Variants in ERC1 observed in about 807,000 individuals in gnomAD.
The protein encoded by ERC1 is RAB6 interacting protein 2.
In ERC1, 56 loss-of-function variants were observed where a neutral mutation model predicts 132.0. The ratio of observed to expected loss-of-function variants is 0.42; its 90% CI spans 0.34 to 0.53. The LOEUF (loss-of-function observed/expected upper bound fraction) is 0.53. Among genes scored for constraint, ERC1 ranks in the 20% least tolerant of loss-of-function variants. The probability of loss-of-function intolerance (pLI) is 0.03; values close to 1 mark genes in which losing one functional copy is unlikely to be tolerated. For synonymous variants in ERC1, 478 were observed against 476.1 expected, an observed-to-expected ratio of 1.00 and a Z score of -0.05; for missense variants, 1,202 against 1,349.9, an observed-to-expected ratio of 0.89 and a Z score of 1.72.
intron 12 of ERC1, among the ~76,000 whole-genome samples, chr12:1,233,489 AAAAAG>A (rs1291659494): frequency 2.6e-5 from 4 of 151,322 alleles, no homozygotes; most frequent in Non-Finnish European, 4.4e-5. Context: ...AAAAAAAAAA[AAAAAG>A]AGTAAGAAAA....
intron 2 of ERC1, among the ~76,000 whole-genome samples, chr12:1,073,944 G>A (rs1292575576): frequency 8.2e-6 from 1 of 121,644 alleles, no homozygotes; most frequent in Non-Finnish European, 1.6e-5. Flanking sequence ...TCCACTCACT[G>A]CAACCTCCGC....
At chr12:1,188,475 AT>A (rs113337316) in intron 11 of ERC1, among the ~76,000 whole-genome samples, 122 of 152,322 alleles carry the variant, frequency 8.0e-4, no homozygotes, top group Middle Eastern at 3.4e-3. Context: ...GAAACAACTG[AT>A]TTTAGACATT....
Position 1,117,835 on chromosome 12 carries a change from T to C in ERC1, c.1569+1802T>C, listed in dbSNP as rs912236201. ...TAGATGATCTGCATTTTCTTACTTT[T>C]ATTAAGCTAAACTTAGGTTTATTCA... On this transcript the variant is annotated intron_variant, in intron 7 of 18. Transcript: ENST00000360905. Among the ~76,000 whole-genome samples, 14 of 152,364 alleles carry C rather than the reference T, an allele frequency of 9.2e-5. No homozygotes were observed. In the East Asian group the frequency reaches 2.5e-3, roughly 27 times the overall value.
rs1354634698 is a variant in ERC1, at chr12:1,065,608, C to T, written c.670-17556C>T. On this transcript the variant is annotated intron_variant, in intron 2 of 18. Coordinates refer to ENST00000360905, the MANE Select transcript of ERC1 (RefSeq NM_178040.4). ...TTTCTTTTTTTGGGGCGGGGGGGGACGGATTTCTTCCTAGAGAATTAATTG... is the reference window on the plus strand; with the variant it reads ...TTTCTTTTTTTGGGGCGGGGGGGGATGGATTTCTTCCTAGAGAATTAATTG... 4.4e-5 allele frequency among the ~76,000 whole-genome samples: 6 copies of T among 135,460 alleles called. No homozygotes were observed. The East Asian group carries it at 6.8e-4, about 15-fold the overall frequency. The allele number at this position is 135,460 out of a possible 152,430, so 88.9% of individuals were successfully genotyped here.
chr12:1,105,444 G>A (rs1181542880), intron 4 of ERC1, among the ~76,000 whole-genome samples: 1 of 151,964 alleles, frequency 6.6e-6, no homozygotes, highest in African/African-American at 2.4e-5. Context: ...TGCAAGCTCC[G>A]TCTCCCGGGT....
At chr12:1,064,011 T>C (rs1938583614) in intron 2 of ERC1, among the ~76,000 whole-genome samples, 1 of 152,206 alleles carries the variant, frequency 6.6e-6, no homozygotes, top group African/African-American at 2.4e-5. Flanking sequence ...TGAAAGACTT[T>C]ATTTCTCCTT....
At chr12:1,244,463 T>G (rs7976337) in intron 13 of ERC1, 161,824 of 431,658 alleles carry the variant, frequency 0.37, 33,734 homozygotes, top group African/African-American at 0.65. Context: ...ATAATTCTAG[T>G]ATTAAAATAT....
At chr12:1,035,847 G>A (rs940637708) in intron 2 of ERC1, among the ~76,000 whole-genome samples, 1 of 151,838 alleles carries the variant, frequency 6.6e-6, no homozygotes, top group African/African-American at 2.4e-5. Context: ...GCGTGAACCC[G>A]AGAGGCGGAG....
At chr12:1,364,040 T>G (rs531601061) in intron 15 of ERC1, among the ~76,000 whole-genome samples, 1 of 152,216 alleles carries the variant, frequency 6.6e-6, no homozygotes, top group Non-Finnish European at 1.5e-5. Flanking sequence ...CCTGAAATAG[T>G]CTGTATTTGG....
intron 12 of ERC1, among the ~76,000 whole-genome samples, chr12:1,216,410 A>C (rs1474047053): frequency 6.6e-6 from 1 of 152,054 alleles, no homozygotes; most frequent in East Asian, 1.9e-4. Context: ...TCCAGCTGTT[A>C]CTTCTGTATT....
intron 13 of ERC1, among the ~76,000 whole-genome samples, chr12:1,237,236 A>G (rs1440318495): frequency 6.6e-6 from 1 of 152,136 alleles, no homozygotes; most frequent in Non-Finnish European, 1.5e-5. Context: ...AGTTCCATTC[A>G]TTAAAATGGA....
chr12:1,044,832 TGAGTA>T (rs1214548202), intron 2 of ERC1, among the ~76,000 whole-genome samples: 6 of 152,296 alleles, frequency 3.9e-5, no homozygotes, highest in Middle Eastern at 3.4e-3. Flanking sequence ...TCAGGAACTT[TGAGTA>T]GAGTAATTAG....
At chr12:1,346,814 C>T (rs905401637) in intron 15 of ERC1, among the ~76,000 whole-genome samples, 4 of 151,104 alleles carry the variant, frequency 2.6e-5, no homozygotes, top group African/African-American at 7.4e-5. Context: ...CGGTGGCGGG[C>T]GCCTGTAGTC....
chr12:1,101,757 T>G (rs2154198030), intron 3 of ERC1, among the ~76,000 whole-genome samples: 1 of 152,090 alleles, frequency 6.6e-6, no homozygotes, highest in East Asian at 1.9e-4. Context: ...ATAAATAGAT[T>G]TTGTGGGGTA....
rs1017286982 is a variant in ERC1 at position 1,110,122 on chromosome 12, A to G, written c.1162-70A>G. On this transcript the variant is annotated intron_variant, in intron 4 of 18. Coordinates refer to ENST00000360905, the MANE Select transcript of ERC1 (RefSeq NM_178040.4). ...ATCTTTATTAAATGTAACTTCTTTA[A>G]ATATCATGTTATTCAGCTTTTCTGG... 11 of 1,290,840 alleles carry G rather than the reference A, an allele frequency of 8.5e-6. No individual in the cohort carries two copies. The African/African-American group carries it at 1.7e-4, about 20-fold the overall frequency. The allele number at this position is 1,290,840 out of a possible 1,614,324, so 80.0% of individuals were successfully genotyped here.
intron 8 of ERC1, among the ~76,000 whole-genome samples, chr12:1,145,928 TG>T (rs1950302897): frequency 6.6e-6 from 1 of 152,224 alleles, no homozygotes; most frequent in Admixed American, 6.5e-5. Context: ...TCCATTGGTC[TG>T]TGTGCCTGTT....
intron 18 of ERC1, among the ~76,000 whole-genome samples, chr12:1,449,158 C>G (rs995923799): frequency 6.6e-6 from 1 of 152,206 alleles, no homozygotes; most frequent in African/African-American, 2.4e-5. Context: ...TGCCTGTACC[C>G]TCATTGTATC....
intron 1 of ERC1, among the ~76,000 whole-genome samples, chr12:1,005,945 A>T (rs1963485837): frequency 6.6e-6 from 1 of 150,836 alleles, no homozygotes; most frequent in Non-Finnish European, 1.5e-5. Flanking sequence ...AACAGTTTAT[A>T]TTAAAATTCT....
At chr12:1,156,291 T>C (rs1464935610) in intron 8 of ERC1, among the ~76,000 whole-genome samples, 1 of 152,006 alleles carries the variant, frequency 6.6e-6, no homozygotes. Flanking sequence ...CAGGCTGGAG[T>C]GCAGTGGTGC....
Sources: gnomAD v4.1 joint callset for allele counts (sites outside exome capture counted in the v4.1 genomes callset) on GRCh38, gnomAD v4.1.1 for gene constraint, MANE v1.5 for transcripts, NCBI Gene and HGNC (gene_info 2026-07-23, HGNC 2026-07-21) for gene names.